The following KIAA1217 variants were observed in gnomAD, a reference collection of about 807,000 sequenced individuals.
KIAA1217 encodes the protein sickle tail protein homolog.
A neutral mutation model predicts 163.9 loss-of-function variants in KIAA1217; 88 were observed. The ratio of observed to expected loss-of-function variants is 0.54; its 90% CI spans 0.45 to 0.64. The LOEUF (loss-of-function observed/expected upper bound fraction) is 0.64, where lower values mean the gene tolerates loss of function less well. Among genes scored for constraint, KIAA1217 ranks in the 30% least tolerant of loss-of-function variants. The pLI is 0.00. For missense variants in KIAA1217, 2,372 were observed against 2,475.0 expected, an observed-to-expected ratio of 0.96 and a Z score of 0.88; for synonymous variants, 903 against 923.1, an observed-to-expected ratio of 0.98 and a Z score of 0.39.
chr10:24,412,063 A>G (rs2131348009), intron 3 of KIAA1217, among the ~76,000 whole-genome samples: 1 of 152,254 alleles, frequency 6.6e-6, no homozygotes, highest in East Asian at 1.9e-4. Flanking sequence ...CAGAATCATC[A>G]GTGTAACCAA....
chr10:23,891,474 G>C (rs535077739), intron 1 of KIAA1217, among the ~76,000 whole-genome samples: 1 of 151,972 alleles, frequency 6.6e-6, no homozygotes, highest in East Asian at 2.0e-4. Flanking sequence ...TCAGGACCCA[G>C]CCATTCAGGT....
chr10:24,128,007 G>A (rs939941277), intron 2 of KIAA1217, among the ~76,000 whole-genome samples: 3 of 152,092 alleles, frequency 2.0e-5, no homozygotes, highest in African/African-American at 7.2e-5. Context: ...AATACCCAAA[G>A]TTATTTCTGA....
chr10:24,384,185 T>A (rs2053691153), intron 3 of KIAA1217, among the ~76,000 whole-genome samples: 1 of 152,238 alleles, frequency 6.6e-6, no homozygotes, highest in Non-Finnish European at 1.5e-5. Context: ...TTTTGGCATC[T>A]GTATGTTGTC....
At chr10:23,746,923 A>G (rs979959726) in intron 1 of KIAA1217, among the ~76,000 whole-genome samples, 1 of 152,306 alleles carries the variant, frequency 6.6e-6, no homozygotes, top group Admixed American at 6.5e-5. Flanking sequence ...GCTGTAGGGA[A>G]GGAGAGATAG....
In KIAA1217 at chr10:23,750,621, C is replaced by T. The variant is rs998225443; in HGVS notation, c.-321+55387C>T. Among the ~76,000 whole-genome samples the T allele has an allele frequency of 3.9e-5, 6 of 152,108 alleles. No homozygotes were observed. In the South Asian group the frequency reaches 1.0e-3, roughly 26 times the overall value. On this transcript the variant is annotated intron_variant, in intron 1 of 18. Transcript: ENST00000376462. ...CTCCATCACTAGACAGAATGAATGCCTTTGACGGAAGGCACTCAAATCACA... is the reference window on the plus strand; with the variant it reads ...CTCCATCACTAGACAGAATGAATGCTTTTGACGGAAGGCACTCAAATCACA...
intron 3 of KIAA1217, among the ~76,000 whole-genome samples, chr10:24,426,470 A>G (rs1459077148): frequency 1.3e-5 from 2 of 152,116 alleles, no homozygotes; most frequent in Non-Finnish European, 2.9e-5. Flanking sequence ...AAAAAAATAC[A>G]AAAATTAGCC....
At chr10:23,759,435 C>T (rs1412805894) in intron 1 of KIAA1217, among the ~76,000 whole-genome samples, 1 of 152,144 alleles carries the variant, frequency 6.6e-6, no homozygotes, top group Non-Finnish European at 1.5e-5. Context: ...GCTAGGACTT[C>T]CAGTACTGTG....
intron 2 of KIAA1217, among the ~76,000 whole-genome samples, chr10:24,073,863 G>A (rs1009150283): frequency 6.6e-6 from 1 of 152,190 alleles, no homozygotes; most frequent in Non-Finnish European, 1.5e-5. Context: ...TTCCCAGTGG[G>A]AGGACACAGG....
intron 1 of KIAA1217, among the ~76,000 whole-genome samples, chr10:23,890,183 CTT>C (rs1192708946): frequency 1.3e-5 from 2 of 151,464 alleles, no homozygotes; most frequent in Non-Finnish European, 3.0e-5. Flanking sequence ...TTTTAACAAT[CTT>C]TTTAAAAAAT....
chr10:23,938,765 T>A (rs951427608), intron 1 of KIAA1217, among the ~76,000 whole-genome samples: 1 of 151,816 alleles, frequency 6.6e-6, no homozygotes, highest in African/African-American at 2.4e-5. Flanking sequence ...CATGGGAGAG[T>A]TCTGGAACCA....
intron 2 of KIAA1217, among the ~76,000 whole-genome samples, chr10:24,318,551 ACT>A (rs1026799820): frequency 4.0e-5 from 6 of 150,448 alleles, no homozygotes; most frequent in Non-Finnish European, 8.9e-5. Flanking sequence ...TAAAATCATC[ACT>A]CTCTCTCTTT....
intron 1 of KIAA1217, among the ~76,000 whole-genome samples, chr10:23,857,091 C>A (rs186193686): frequency 6.6e-6 from 1 of 152,356 alleles, no homozygotes; most frequent in Non-Finnish European, 1.5e-5. Context: ...AGAAATCACC[C>A]GTCTTCTGTG....
chr10:24,373,269 G>A (rs1023638411), intron 2 of KIAA1217, among the ~76,000 whole-genome samples: 13 of 152,190 alleles, frequency 8.5e-5, no homozygotes, highest in African/African-American at 2.9e-4. Context: ...GAGCACCATC[G>A]CCACCACTGA....
intron 1 of KIAA1217, among the ~76,000 whole-genome samples, chr10:23,912,809 G>T (rs1842490439): frequency 6.6e-6 from 1 of 152,164 alleles, no homozygotes; most frequent in Non-Finnish European, 1.5e-5. Flanking sequence ...CCTGTGAAAA[G>T]AATTTGAGAA....
In KIAA1217 at chr10:24,473,213, T is replaced by C. The variant is rs1185835257; in HGVS notation, c.847-15T>C. 1.3e-6 allele frequency: 2 copies of C among 1,497,656 alleles called. No individual in the cohort carries two copies. Among genetic ancestry groups the C allele is most frequent in the South Asian group, 1.4e-5 (1 of 72,630 alleles). 92.8% of individuals were successfully genotyped at this position (1,497,656 alleles called of 1,614,324 possible). A position where few individuals can be genotyped will look rare whatever the true frequency, so the allele number is the denominator to read the frequency against. ...ATATCAAAGTCAACTTTCTGATCCC[T>C]TGTTTTCTTTTCAGATGCAGAGAGA... On this transcript the variant is annotated splice_polypyrimidine_tract_variant and intron_variant, in intron 5 of 20. Coordinates refer to ENST00000376454, the MANE Select transcript of KIAA1217 (RefSeq NM_019590.5).
At chr10:23,786,308 G>C (rs1835491362) in intron 1 of KIAA1217, among the ~76,000 whole-genome samples, 1 of 151,884 alleles carries the variant, frequency 6.6e-6, no homozygotes, top group African/African-American at 2.4e-5. Flanking sequence ...TGGGAGGAGG[G>C]GAGGAGAACA....
At chr10:24,147,832 C>CAAAAAAAAAAAAAAAAAA (rs1176106711) in intron 2 of KIAA1217, among the ~76,000 whole-genome samples, 10 of 20,764 alleles carry the variant, frequency 4.8e-4, no homozygotes, top group African/African-American at 8.5e-4. Flanking sequence ...TACTCTGTCT[C>CAAAAAAAAAAAAAAAAAA]AAAAAAAAAA....
At chr10:24,466,531 A>T in intron 5 of KIAA1217, 1 of 985,360 alleles carries the variant, frequency 1.0e-6, no homozygotes, top group Non-Finnish European at 1.2e-6. Flanking sequence ...CTTTTTATCC[A>T]TGCCAGTGTC....
intron 2 of KIAA1217, among the ~76,000 whole-genome samples, chr10:24,293,117 GCT>G (rs2079266415): frequency 1.3e-5 from 2 of 152,130 alleles, no homozygotes; most frequent in East Asian, 3.9e-4. Context: ...ATCTTGGCTG[GCT>G]GCAACCTCTG....
Sources: allele counts gnomAD v4.1 joint callset (sites outside exome capture counted in the v4.1 genomes callset), GRCh38; gene constraint gnomAD v4.1.1; transcripts MANE v1.5; gene names NCBI Gene and HGNC (gene_info 2026-07-23, HGNC 2026-07-21).